The following RBFOX3 variants were observed in gnomAD, a reference collection of about 807,000 sequenced individuals.
RBFOX3 encodes the protein RNA binding protein fox-1 homolog 3.
A neutral mutation model predicts 48.7 loss-of-function variants in RBFOX3; 17 were observed. The observed-to-expected ratio is 0.35, with a 90% CI of 0.24 to 0.52. The LOEUF (loss-of-function observed/expected upper bound fraction) is 0.52. Ranked by LOEUF, RBFOX3 falls within the 20% of genes least tolerant of loss-of-function variation. RBFOX3 has a pLI of 0.94. For synonymous variants in RBFOX3, 212 were observed against 209.5 expected (o/e 1.01, Z -0.10); for missense variants, 382 against 497.5 (o/e 0.77, Z 2.21).
chr17:79,454,706 C>G (rs1282036133), intron 2 of RBFOX3, among the ~76,000 whole-genome samples: 1 of 152,220 alleles, frequency 6.6e-6, no homozygotes, highest in East Asian at 1.9e-4. Context: ...TGGAGTCACA[C>G]AGCTCATTAG....
At chr17:79,263,103 G>A (rs184585529) in intron 3 of RBFOX3, among the ~76,000 whole-genome samples, 8 of 152,352 alleles carry the variant, frequency 5.3e-5, no homozygotes, top group African/African-American at 1.2e-4. Flanking sequence ...CAGGCCTAGC[G>A]TGCCCCTCCA....
the RBFOX3 span, among the ~76,000 whole-genome samples, chr17:79,639,916 A>C: frequency 6.6e-6 from 1 of 152,226 alleles, no homozygotes; most frequent in African/African-American, 2.4e-5. Context: ...ATCTGGTGCG[A>C]GTAAAGGATG....
At chr17:79,405,712 C>T (rs1055586678) in intron 2 of RBFOX3, among the ~76,000 whole-genome samples, 1 of 152,188 alleles carries the variant, frequency 6.6e-6, no homozygotes, top group Non-Finnish European at 1.5e-5. Context: ...CAGAGTGAGA[C>T]TCTATCTCAA....
At chr17:79,291,214 T>C (rs2073193585) in intron 3 of RBFOX3, among the ~76,000 whole-genome samples, 1 of 152,246 alleles carries the variant, frequency 6.6e-6, no homozygotes, top group Non-Finnish European at 1.5e-5. Context: ...TCAACTCTGA[T>C]GGCCAGGGCA....
intron 2 of RBFOX3, among the ~76,000 whole-genome samples, chr17:79,354,576 C>T (rs8075376): frequency 0.15 from 22,406 of 152,252 alleles, 1,810 homozygotes; most frequent in East Asian, 0.22. Context: ...ACTTCCACCA[C>T]GGGGAGAAAC....
chr17:79,484,437 A>T (rs990598607), intron 1 of RBFOX3, among the ~76,000 whole-genome samples: 2 of 151,754 alleles, frequency 1.3e-5, no homozygotes, highest in African/African-American at 4.8e-5. Flanking sequence ...CATGGATGAA[A>T]TGCAGCCAGG....
At chr17:79,222,882 G>A (rs2059898875) in intron 4 of RBFOX3, among the ~76,000 whole-genome samples, 1 of 152,214 alleles carries the variant, frequency 6.6e-6, no homozygotes. Flanking sequence ...CACAGGGTGA[G>A]AAAGAAGCAG....
At chr17:79,583,421 A>G (rs2093142778) in intron 1 of RBFOX3, among the ~76,000 whole-genome samples, 1 of 152,236 alleles carries the variant, frequency 6.6e-6, no homozygotes, top group African/African-American at 2.4e-5. Flanking sequence ...GATGTCACGC[A>G]GTGCCCCACA....
In RBFOX3 at chr17:79,471,511, GTTT is replaced by G. The variant is rs1351031195; in HGVS notation, c.-175+10940_-175+10942del. Reference sequence around the variant, plus strand: ...GTCACCCCTGGCCTGAGGGACATTTGTTTTGGTGGCTGAGGCAGCCGCCAGTTA... The same window carrying G: ...GTCACCCCTGGCCTGAGGGACATTTGTGGTGGCTGAGGCAGCCGCCAGTTA... On this transcript the variant is annotated intron_variant, in intron 2 of 14. Transcript: ENST00000693108. The surrounding 1 kb of genome is among the most constrained non-coding windows in gnomAD (Gnocchi z 4.0). 1.3e-5 allele frequency among the ~76,000 whole-genome samples: 2 copies of G among 152,194 alleles called. No individual in the cohort carries two copies. The highest frequency in any genetic ancestry group is 2.9e-5 in the Non-Finnish European group (2 of 68,032).
chr17:79,433,164 C>G (rs1419822823), intron 2 of RBFOX3, among the ~76,000 whole-genome samples: 1 of 152,168 alleles, frequency 6.6e-6, no homozygotes. Flanking sequence ...CCAGGAGGGT[C>G]CAGGTGCCAT....
intron 1 of RBFOX3, among the ~76,000 whole-genome samples, chr17:79,498,330 C>T (rs2081871399): frequency 6.6e-6 from 1 of 152,122 alleles, no homozygotes; most frequent in Non-Finnish European, 1.5e-5. Context: ...AGGGGGAAGA[C>T]CTCCCAAAAC....
intron 1 of RBFOX3, among the ~76,000 whole-genome samples, 186 bp downstream of exon 1, chr17:79,610,640 G>A (rs2093951684): frequency 6.6e-6 from 1 of 151,962 alleles, no homozygotes; most frequent in Non-Finnish European, 1.5e-5. Flanking sequence ...CCCGCGCAGG[G>A]ACCCCTGACC....
intron 4 of RBFOX3, among the ~76,000 whole-genome samples, chr17:79,130,875 C>T (rs2038673340): frequency 6.6e-6 from 1 of 152,278 alleles, no homozygotes; most frequent in Non-Finnish European, 1.5e-5. Flanking sequence ...AGCCGAAGCA[C>T]AAATTCCTCA....
chr17:79,514,754 C>T (rs2085004080), intron 1 of RBFOX3, among the ~76,000 whole-genome samples: 2 of 152,300 alleles, frequency 1.3e-5, no homozygotes, highest in African/African-American at 4.8e-5. Context: ...ATCCACTGGA[C>T]CCTGGAGCAT....
upstream of RBFOX3, among the ~76,000 whole-genome samples, chr17:79,612,686 C>T (rs1452979574): frequency 6.6e-6 from 1 of 152,254 alleles, no homozygotes; most frequent in Non-Finnish European, 1.5e-5. Context: ...AGGCAGCCGC[C>T]TGGTTGACTG....
chr17:79,364,107 GCA>G lies in RBFOX3; in HGVS notation c.-174-56285_-174-56284del, dbSNP rs2057385215. Among the ~76,000 whole-genome samples the G allele has an allele frequency of 6.6e-6, 1 of 152,180 alleles. No individual in the cohort carries two copies. Among genetic ancestry groups the G allele is most frequent in the Non-Finnish European group, 1.5e-5 (1 of 68,036 alleles). ...ACCCCATGGATTTTCGGGACAGCAC[GCA>G]CCACTCTGGGACCATTCACTCAGTC... On this transcript the variant is annotated intron_variant, in intron 2 of 14. Coordinates refer to ENST00000693108, the MANE Select transcript of RBFOX3 (RefSeq NM_001350451.2). The surrounding 1 kb of genome is among the most constrained non-coding windows in gnomAD (Gnocchi z 5.1).
intron 4 of RBFOX3, among the ~76,000 whole-genome samples, chr17:79,176,590 T>A (rs1021947446): frequency 1.3e-5 from 2 of 152,210 alleles, no homozygotes; most frequent in Non-Finnish European, 2.9e-5. Flanking sequence ...TCTCGAGTAA[T>A]GCGATTTGCA....
chr17:79,543,914 C>A (rs2090059426), intron 1 of RBFOX3, among the ~76,000 whole-genome samples: 2 of 152,106 alleles, frequency 1.3e-5, no homozygotes, highest in South Asian at 2.1e-4. Flanking sequence ...AGCCCCCTAC[C>A]CCCCAGAGCC....
intron 4 of RBFOX3, among the ~76,000 whole-genome samples, chr17:79,183,648 G>C (rs144068490): frequency 2.2e-3 from 333 of 152,282 alleles, no homozygotes; most frequent in Non-Finnish European, 4.1e-3. Context: ...GCGAGAGCAG[G>C]AGTCAGTCAC....
Sources: allele counts gnomAD v4.1 joint callset (sites outside exome capture counted in the v4.1 genomes callset), GRCh38; gene constraint gnomAD v4.1.1; non-coding constraint Gnocchi (gnomAD v3.1); transcripts MANE v1.5; gene names NCBI Gene and HGNC (gene_info 2026-07-23, HGNC 2026-07-21).